The following KLF12 variants were observed in gnomAD, a reference collection of about 807,000 sequenced individuals.
The protein encoded by KLF12 is Krueppel-like factor 12.
A neutral mutation model predicts 37.8 loss-of-function variants in KLF12; 9 were observed. The ratio of observed to expected loss-of-function variants is 0.24; its 90% CI spans 0.14 to 0.42. The LOEUF is 0.42. Ranked by LOEUF, KLF12 falls within the 10% of genes least tolerant of loss-of-function variation. KLF12 has a pLI of 1.00. For synonymous variants in KLF12, 208 were observed against 202.1 expected, an observed-to-expected ratio of 1.03 and a Z score of -0.25; for missense variants, 411 against 516.0, an observed-to-expected ratio of 0.80 and a Z score of 1.97.
At chr13:73,903,647 C>T (rs114089443) in intron 3 of KLF12, among the ~76,000 whole-genome samples, 7,109 of 152,216 alleles carry the variant, frequency 0.047, 380 homozygotes, top group African/African-American at 0.13. Context: ...TCACAATCTT[C>T]AACTACTCTT....
intron 6 of KLF12, among the ~76,000 whole-genome samples, chr13:73,747,593 T>C (rs986572706): frequency 3.2e-4 from 49 of 152,216 alleles, no homozygotes; most frequent in African/African-American, 1.1e-3. Context: ...TAAATGAGTC[T>C]TGCATCCCCT....
intron 6 of KLF12, among the ~76,000 whole-genome samples, chr13:73,725,092 T>C (rs950262238): frequency 6.6e-6 from 1 of 152,198 alleles, no homozygotes; most frequent in African/African-American, 2.4e-5. Flanking sequence ...GTTTTAATTT[T>C]ATATAGTATT....
Position 73,891,454 on chromosome 13 carries a change from T to C in KLF12, c.124-45081A>G, listed in dbSNP as rs528372188. Among the ~76,000 whole-genome samples, 3 of 152,236 alleles carry C rather than the reference T, an allele frequency of 2.0e-5. No individual in the cohort carries two copies. The South Asian group carries it at 6.2e-4, about 32-fold the overall frequency. On this transcript the variant is annotated intron_variant, in intron 3 of 7. Coordinates refer to ENST00000377669, the MANE Select transcript of KLF12 (RefSeq NM_007249.5). ...AAGGTCACTATTCAGTGTTTTAATA[T>C]TGATATATTTAGTAACTCAAACACC...
the KLF12 span, among the ~76,000 whole-genome samples, chr13:74,143,024 C>CTCCT: frequency 6.7e-6 from 1 of 149,636 alleles, no homozygotes; most frequent in Non-Finnish European, 1.5e-5. Flanking sequence ...CCCTCCCTCC[C>CTCCT]TCCTTCCTTC....
At chr13:74,057,029 T>C (rs868267995) in intron 1 of KLF12, among the ~76,000 whole-genome samples, 5 of 152,180 alleles carry the variant, frequency 3.3e-5, no homozygotes, top group Non-Finnish European at 7.4e-5. Context: ...AACATTATTT[T>C]TGTACTCTGC....
chr13:74,180,095 AGAGTTTT>A, the KLF12 span, among the ~76,000 whole-genome samples: 2 of 152,184 alleles, frequency 1.3e-5, no homozygotes, highest in Non-Finnish European at 2.9e-5. Flanking sequence ...GGCTGTTTTA[AGAGTTTT>A]GATTAATTGG....
intron 7 of KLF12, 115 bp from the exon 8 acceptor site, chr13:73,695,786 T>G (rs973623664): frequency 1.0e-6 from 1 of 1,004,332 alleles, no homozygotes; most frequent in Non-Finnish European, 1.5e-6. Flanking sequence ...CGTTGGTAAA[T>G]CTTTGTCGGG....
At chr13:74,187,875 C>G in the KLF12 span, among the ~76,000 whole-genome samples, 1 of 152,126 alleles carries the variant, frequency 6.6e-6, no homozygotes, top group East Asian at 1.9e-4. Context: ...AGGCCAGCCC[C>G]AAGGTGCTAA....
intron 2 of KLF12, among the ~76,000 whole-genome samples, chr13:73,980,387 A>AT (rs958328680): frequency 2.0e-5 from 3 of 152,170 alleles, no homozygotes; most frequent in African/African-American, 7.2e-5. Context: ...CAGTCAGAAT[A>AT]TTTTTTTAAA....
chr13:73,696,899 C>T (rs1342921103), intron 7 of KLF12, among the ~76,000 whole-genome samples: 1 of 152,134 alleles, frequency 6.6e-6, no homozygotes, highest in East Asian at 1.9e-4. Context: ...TTAGGTATGA[C>T]CAAATTATTC....
In KLF12 at chr13:73,690,736, A is replaced by G. The variant is rs1008172379; in HGVS notation, c.*4754T>C. The G allele has an allele frequency of 2.6e-5, 4 of 152,678 alleles. No homozygotes were observed. The East Asian group carries it at 7.7e-4, about 29-fold the overall frequency. 9.5% of individuals were successfully genotyped at this position (152,678 alleles called of 1,614,324 possible). A position where few individuals can be genotyped will look rare whatever the true frequency, so the allele number is the denominator to read the frequency against. On this transcript the variant is annotated 3_prime_UTR_variant, in exon 8 of 8. Transcript: ENST00000377669. ...AGTTTTTTCTTTTTATTGTGATGAAAACTAGAAGCTCTCTTTCCCAACATA... is the reference window on the plus strand; with the variant it reads ...AGTTTTTTCTTTTTATTGTGATGAAGACTAGAAGCTCTCTTTCCCAACATA...
chr13:73,868,025 CA>C (rs1296082268), intron 3 of KLF12, among the ~76,000 whole-genome samples: 29 of 119,974 alleles, frequency 2.4e-4, no homozygotes, highest in Non-Finnish European at 2.2e-4. Context: ...AACTCCTTCT[CA>C]AAAAAAAAAA....
chr13:74,187,242 C>T, the KLF12 span, among the ~76,000 whole-genome samples: 8 of 151,858 alleles, frequency 5.3e-5, no homozygotes, highest in Admixed American at 1.3e-4. Context: ...GACGATCACT[C>T]GAACCCAGAT....
the KLF12 span, among the ~76,000 whole-genome samples, chr13:74,225,686 CA>C: frequency 1.3e-5 from 2 of 152,124 alleles, no homozygotes; most frequent in Admixed American, 1.3e-4. Flanking sequence ...GACGTACAAA[CA>C]GATAAAGTTA....
intron 6 of KLF12, among the ~76,000 whole-genome samples, chr13:73,749,886 G>T (rs141550688): frequency 6.6e-6 from 1 of 152,282 alleles, no homozygotes; most frequent in East Asian, 1.9e-4. Flanking sequence ...GTAGCATCCT[G>T]CCTTCTGTGA....
chr13:74,134,653 G>C (rs951634278), upstream of KLF12, among the ~76,000 whole-genome samples: 3 of 152,010 alleles, frequency 2.0e-5, no homozygotes, highest in Non-Finnish European at 4.4e-5. Context: ...GGAGCTCGGG[G>C]AGTCGTCGGC....
At chr13:74,036,401 T>C (rs1394970162) in intron 1 of KLF12, among the ~76,000 whole-genome samples, 1 of 152,164 alleles carries the variant, frequency 6.6e-6, no homozygotes, top group East Asian at 1.9e-4. Context: ...AAAAACAAGC[T>C]ATTTTTAAAG....
At chr13:73,978,702 T>G (rs1296528018) in intron 2 of KLF12, among the ~76,000 whole-genome samples, 1 of 152,174 alleles carries the variant, frequency 6.6e-6, no homozygotes, top group East Asian at 1.9e-4. Flanking sequence ...TATATATATC[T>G]ACACAAAAAT....
the KLF12 span, among the ~76,000 whole-genome samples, chr13:74,212,747 A>G: frequency 6.6e-6 from 1 of 152,188 alleles, no homozygotes; most frequent in Admixed American, 6.5e-5. Context: ...GGAGTCAGGG[A>G]GCTATTAAAG....
Sources: allele counts gnomAD v4.1 joint callset (sites outside exome capture counted in the v4.1 genomes callset), GRCh38; gene constraint gnomAD v4.1.1; transcripts MANE v1.5; gene names NCBI Gene and HGNC (gene_info 2026-07-23, HGNC 2026-07-21).